Variants in PPP1R9A observed in about 807,000 individuals in gnomAD.
The protein encoded by PPP1R9A is neurabin-1.
In PPP1R9A, 59 loss-of-function variants were observed where a neutral mutation model predicts 141.9. The ratio of observed to expected loss-of-function variants is 0.42; its 90% CI spans 0.34 to 0.52. The LOEUF is 0.52. Ranked by LOEUF, PPP1R9A falls within the 20% of genes least tolerant of loss-of-function variation. The pLI is 0.10. For synonymous variants in PPP1R9A, 500 were observed against 569.7 expected (o/e 0.88, Z 1.74); for missense variants, 1,444 against 1,611.9 (o/e 0.90, Z 1.78).
intron 12 of PPP1R9A, among the ~76,000 whole-genome samples, chr7:95,258,154 T>G (rs549487178): frequency 2.6e-5 from 4 of 152,136 alleles, no homozygotes; most frequent in South Asian, 2.1e-4. Flanking sequence ...GTGTTCCTAT[T>G]TCTCCACATC....
intron 2 of PPP1R9A, among the ~76,000 whole-genome samples, chr7:94,954,454 C>A (rs949526122): frequency 6.6e-6 from 1 of 151,802 alleles, no homozygotes; most frequent in African/African-American, 2.4e-5. Flanking sequence ...CTACTTAAGT[C>A]TATATGTTGG....
At chr7:95,283,533 A>G (rs1394842913) in intron 16 of PPP1R9A, among the ~76,000 whole-genome samples, 2 of 152,200 alleles carry the variant, frequency 1.3e-5, no homozygotes, top group East Asian at 1.9e-4. Flanking sequence ...TGTTCCACCT[A>G]AAGTATTTTG....
intron 4 of PPP1R9A, among the ~76,000 whole-genome samples, chr7:95,126,051 T>C (rs1213256032): frequency 6.6e-6 from 1 of 152,196 alleles, no homozygotes; most frequent in Non-Finnish European, 1.5e-5. Context: ...ATGTTAGTCT[T>C]CTAATAAAAT....
At chr7:95,222,456 G>A (rs1243344129) in intron 7 of PPP1R9A, among the ~76,000 whole-genome samples, 2 of 151,914 alleles carry the variant, frequency 1.3e-5, no homozygotes, top group African/African-American at 4.8e-5. Context: ...GTCCAATGCT[G>A]GGCACACAGT....
chr7:95,233,538 AAAATTGCC>A (rs1003760839), intron 8 of PPP1R9A, among the ~76,000 whole-genome samples: 37 of 152,174 alleles, frequency 2.4e-4, no homozygotes, highest in African/African-American at 7.5e-4. Context: ...AATAATGTAA[AAAATTGCC>A]AACAAAAATA....
At chr7:94,945,973 TC>T (rs1795852696) in intron 2 of PPP1R9A, among the ~76,000 whole-genome samples, 1 of 152,104 alleles carries the variant, frequency 6.6e-6, no homozygotes, top group Admixed American at 6.6e-5. Flanking sequence ...CCAAAAAAGT[TC>T]AAAATTACAC....
chr7:95,234,286 T>G (rs1796376443), intron 8 of PPP1R9A, among the ~76,000 whole-genome samples: 1 of 152,122 alleles, frequency 6.6e-6, no homozygotes, highest in Admixed American at 6.5e-5. Context: ...CTATAAAGAC[T>G]CATCCAAAAA....
chr7:94,980,741 G>A (rs1800010140), intron 2 of PPP1R9A, among the ~76,000 whole-genome samples: 1 of 151,844 alleles, frequency 6.6e-6, no homozygotes, highest in Non-Finnish European at 1.5e-5. Context: ...GTATGTTACT[G>A]TGACAGTGTA....
intron 2 of PPP1R9A, among the ~76,000 whole-genome samples, chr7:95,083,420 C>G (rs1339220911): frequency 6.6e-6 from 1 of 151,898 alleles, no homozygotes; most frequent in African/African-American, 2.4e-5. Flanking sequence ...TAACCTAGGT[C>G]TTATGGCCTG....
At chr7:95,132,005 G>T (rs1172289573) in intron 4 of PPP1R9A, among the ~76,000 whole-genome samples, 1 of 152,244 alleles carries the variant, frequency 6.6e-6, no homozygotes, top group South Asian at 2.1e-4. Flanking sequence ...TGGTATTGAT[G>T]TATAGAAATG....
intron 8 of PPP1R9A, among the ~76,000 whole-genome samples, chr7:95,232,698 A>G (rs942421831): frequency 2.0e-5 from 3 of 152,126 alleles, no homozygotes; most frequent in Admixed American, 6.6e-5. Context: ...CCCATCAAAA[A>G]GTGGGCTAAG....
intron 2 of PPP1R9A, among the ~76,000 whole-genome samples, chr7:95,059,924 A>C (rs1811998722): frequency 6.6e-6 from 1 of 152,046 alleles, no homozygotes; most frequent in Admixed American, 6.5e-5. Flanking sequence ...GACTCTGAAA[A>C]ATGTGTGGTT....
chr7:95,101,815 T>A (rs1277558905), intron 2 of PPP1R9A, among the ~76,000 whole-genome samples: 2 of 152,178 alleles, frequency 1.3e-5, no homozygotes, highest in African/African-American at 4.8e-5. Flanking sequence ...TTTCCCGTAG[T>A]TTTGCAAGAA....
At position 95,223,453 on chromosome 7, in the gene PPP1R9A, T is replaced by A. The variant is rs192272865; in HGVS notation, c.1957-2508T>A. ...TCTTAACAAGTGACCACAGTTCATT[T>A]TCTTGATATTGAAAATCTCCTTAGG... On this transcript the variant is annotated intron_variant, in intron 7 of 19. Transcript: ENST00000433360. Among the ~76,000 whole-genome samples the A allele has an allele frequency of 5.6e-3, 850 of 152,148 alleles. 2 individuals are homozygous for A. The highest frequency in any genetic ancestry group is 0.01 in the Middle Eastern group (3 of 294).
At chr7:95,261,514 G>A (rs1486633910) in intron 12 of PPP1R9A, among the ~76,000 whole-genome samples, 1 of 151,952 alleles carries the variant, frequency 6.6e-6, no homozygotes, top group African/African-American at 2.4e-5. Context: ...AGTTTTTGAT[G>A]ACACTAAGGG....
chr7:95,158,342 C>A (rs148703420), intron 4 of PPP1R9A, among the ~76,000 whole-genome samples: 1 of 152,080 alleles, frequency 6.6e-6, no homozygotes, highest in Non-Finnish European at 1.5e-5. Flanking sequence ...TACAGAAAAT[C>A]AGAATGTTAA....
At chr7:94,953,029 G>T (rs1037489481) in intron 2 of PPP1R9A, among the ~76,000 whole-genome samples, 4 of 152,062 alleles carry the variant, frequency 2.6e-5, no homozygotes, top group Non-Finnish European at 4.4e-5. Context: ...TGAAGTCTTT[G>T]CCCATGCCTA....
At chr7:94,935,649 GT>G (rs1415667586) in intron 2 of PPP1R9A, among the ~76,000 whole-genome samples, 1 of 152,128 alleles carries the variant, frequency 6.6e-6, no homozygotes, top group Non-Finnish European at 1.5e-5. Flanking sequence ...CGTTTCATAA[GT>G]TCAGTTCTTA....
intron 2 of PPP1R9A, among the ~76,000 whole-genome samples, chr7:94,923,035 TG>T (rs1793038778): frequency 6.6e-6 from 1 of 152,130 alleles, no homozygotes; most frequent in African/African-American, 2.4e-5. Context: ...CTGAAGAAGG[TG>T]TTACTTTAAG....
Sources: gnomAD v4.1 joint callset for allele counts (sites outside exome capture counted in the v4.1 genomes callset) on GRCh38, gnomAD v4.1.1 for gene constraint, MANE v1.5 for transcripts, NCBI Gene and HGNC (gene_info 2026-07-23, HGNC 2026-07-21) for gene names.